The following MPRIP variants were observed in gnomAD, a reference collection of about 807,000 sequenced individuals.
The protein encoded by MPRIP is myosin phosphatase Rho interacting protein, also known as myosin phosphatase Rho-interacting protein.
In MPRIP, 59 loss-of-function variants were observed where a neutral mutation model predicts 234.9. The observed-to-expected ratio is 0.25, with a 90% confidence interval of 0.20 to 0.31. The LOEUF is 0.31. Ranked by LOEUF, MPRIP falls within the 10% of genes least tolerant of loss-of-function variation. The probability of loss-of-function intolerance (pLI) is 1.00; values close to 1 mark genes in which losing one functional copy is unlikely to be tolerated. For missense variants in MPRIP, 2,436 were observed against 3,071.0 expected, an observed-to-expected ratio of 0.79 and a Z score of 4.89; for synonymous variants, 1,144 against 1,263.9, an observed-to-expected ratio of 0.91 and a Z score of 2.01.
chr17:17,055,966 C>T (rs942791529), intron 1 of MPRIP, among the ~76,000 whole-genome samples: 1 of 152,210 alleles, frequency 6.6e-6, no homozygotes, highest in Non-Finnish European at 1.5e-5. Flanking sequence ...TATAATATGC[C>T]TAGAGCAGCT....
At chr17:17,045,829 G>A (rs557465864) in intron 1 of MPRIP, among the ~76,000 whole-genome samples, 3 of 146,598 alleles carry the variant, frequency 2.0e-5, no homozygotes, top group South Asian at 4.3e-4. Flanking sequence ...TTTTTGAGGC[G>A]GAGTCTCGCT....
At chr17:17,115,564 T>C (rs2090268432) in intron 3 of MPRIP, among the ~76,000 whole-genome samples, 1 of 152,206 alleles carries the variant, frequency 6.6e-6, no homozygotes, top group South Asian at 2.1e-4. Flanking sequence ...GTTTGAAGTG[T>C]ACAGGTCATT....
chr17:17,132,745 G>A (rs1189984012), intron 5 of MPRIP, among the ~76,000 whole-genome samples: 1 of 152,084 alleles, frequency 6.6e-6, no homozygotes, highest in East Asian at 1.9e-4. Flanking sequence ...CCATCCTGGG[G>A]TCAGGGAGGC....
At chr17:17,175,157 A>G in intron 19 of MPRIP, 136 bp from the exon 20 acceptor site, 2 of 1,262,426 alleles carry the variant, frequency 1.6e-6, no homozygotes, top group Non-Finnish European at 2.3e-6. Context: ...AAAGGAATTA[A>G]GGGTTATCGA....
chr17:17,181,646 T>A (rs535122504), intron 23 of MPRIP: 1 of 152,264 alleles, frequency 6.6e-6, no homozygotes, highest in East Asian at 1.9e-4. Flanking sequence ...CTACTACTTA[T>A]TTGAGGCTAA....
At chr17:17,043,069 A>C in intron 1 of MPRIP, 98 bp downstream of exon 1, 3 of 1,225,384 alleles carry the variant, frequency 2.4e-6, no homozygotes, top group Non-Finnish European at 3.5e-6. Context: ...AAAATGGAGC[A>C]GGGAAATGCG....
chr17:17,133,023 C>G (rs905320513), intron 5 of MPRIP, among the ~76,000 whole-genome samples: 2 of 152,158 alleles, frequency 1.3e-5, no homozygotes, highest in Non-Finnish European at 2.9e-5. Context: ...TAAGGTAACT[C>G]CAAGTGCAGA....
intron 5 of MPRIP, among the ~76,000 whole-genome samples, chr17:17,133,442 C>T (rs1407918611): frequency 2.0e-5 from 3 of 152,184 alleles, no homozygotes; most frequent in African/African-American, 7.2e-5. Context: ...GGCCTCCCCT[C>T]TGCATGCAGC....
At chr17:17,054,993 T>C (rs550117639) in intron 1 of MPRIP, among the ~76,000 whole-genome samples, 52 of 151,170 alleles carry the variant, frequency 3.4e-4, no homozygotes, top group African/African-American at 1.3e-3. Flanking sequence ...GAGGTTGCAG[T>C]GTGCTGAGAT....
chr17:17,133,476 G>A (rs150473450), intron 5 of MPRIP, among the ~76,000 whole-genome samples: 126 of 152,308 alleles, frequency 8.3e-4, no homozygotes, highest in African/African-American at 3.0e-3. Context: ...CATTCTCATG[G>A]CCTAGGGTGG....
At chr17:17,174,995 CT>C (rs1340530626) in intron 19 of MPRIP, among the ~76,000 whole-genome samples, 1 of 152,224 alleles carries the variant, frequency 6.6e-6, no homozygotes, top group African/African-American at 2.4e-5. Context: ...CACCTGAGGC[CT>C]TCCCAAGGGG....
chr17:17,146,657 G>A (rs573914244), intron 10 of MPRIP, among the ~76,000 whole-genome samples: 51 of 152,196 alleles, frequency 3.4e-4, no homozygotes, highest in Non-Finnish European at 6.8e-4. Context: ...GCCATGGGCT[G>A]GAAGGCCAGG....
intron 10 of MPRIP, 94 bp downstream of exon 10, chr17:17,146,186 C>T (rs1321279921): frequency 2.7e-6 from 3 of 1,092,234 alleles, no homozygotes; most frequent in African/African-American, 3.1e-5. Flanking sequence ...AGTGCTGGCT[C>T]CATGCCTTCC....
At chr17:17,112,040 A>G (rs141016425) in intron 3 of MPRIP, among the ~76,000 whole-genome samples, 7 of 152,126 alleles carry the variant, frequency 4.6e-5, no homozygotes, top group African/African-American at 1.7e-4. Flanking sequence ...AAATATTAAT[A>G]TTTACGAGGT....
intron 3 of MPRIP, among the ~76,000 whole-genome samples, chr17:17,087,401 TC>T (rs1373303840): frequency 2.6e-5 from 4 of 152,148 alleles, no homozygotes; most frequent in African/African-American, 9.7e-5. Context: ...GTTCTGTACC[TC>T]CAGTGTTGGA....
intron 2 of MPRIP, 178 bp downstream of exon 2, chr17:17,075,965 CAT>C (rs2144041224): frequency 1.6e-6 from 1 of 608,972 alleles, no homozygotes; most frequent in Non-Finnish European, 2.9e-6. Context: ...CTCAATTATA[CAT>C]AGTTGTGTGT....
At chr17:17,180,711 C>T (rs1175656687) in intron 23 of MPRIP, 8 of 1,554,648 alleles carry the variant, frequency 5.1e-6, no homozygotes, top group African/African-American at 1.4e-5. Flanking sequence ...TGCTCACACC[C>T]CCATGGCAAA....
At chr17:17,112,091 T>C (rs2090183846) in intron 3 of MPRIP, among the ~76,000 whole-genome samples, 1 of 152,194 alleles carries the variant, frequency 6.6e-6, no homozygotes, top group African/African-American at 2.4e-5. Flanking sequence ...TTGGGCATGC[T>C]GCTGCGCTTT....
chr17:17,116,095 C>T (rs769441284), intron 3 of MPRIP, among the ~76,000 whole-genome samples: 1 of 152,136 alleles, frequency 6.6e-6, no homozygotes, highest in Non-Finnish European at 1.5e-5. Flanking sequence ...ATAAATCTAG[C>T]AGGGTTGGCT....
Sources: allele counts gnomAD v4.1 joint callset (sites outside exome capture counted in the v4.1 genomes callset), GRCh38; gene constraint gnomAD v4.1.1; transcripts MANE v1.5; gene names NCBI Gene and HGNC (gene_info 2026-07-23, HGNC 2026-07-21).